The following TP53BP1 variants were observed in gnomAD, a reference collection of about 807,000 sequenced individuals.
TP53BP1 encodes the protein tumor protein p53 binding protein 1, also known as TP53-binding protein 1.
A neutral mutation model predicts 200.8 loss-of-function variants in TP53BP1; 61 were observed. The observed-to-expected ratio is 0.30, with a 90% CI of 0.25 to 0.38. The LOEUF (loss-of-function observed/expected upper bound fraction) is 0.38. Among genes scored for constraint, TP53BP1 ranks in the 10% least tolerant of loss-of-function variants. The pLI is 1.00. For synonymous variants in TP53BP1, 822 were observed against 844.3 expected, an observed-to-expected ratio of 0.97 and a Z score of 0.46; for missense variants, 2,144 against 2,371.9, an observed-to-expected ratio of 0.90 and a Z score of 2.00.
intron 4 of TP53BP1, among the ~76,000 whole-genome samples, chr15:43,484,051 T>A (rs924040677): frequency 1.5e-4 from 23 of 152,154 alleles, no homozygotes; most frequent in Non-Finnish European, 2.6e-4. Context: ...CCTCAACACA[T>A]CCAGCTGGTT....
intron 4 of TP53BP1, among the ~76,000 whole-genome samples, chr15:43,485,309 G>A (rs1459797111): frequency 1.3e-5 from 2 of 152,152 alleles, no homozygotes; most frequent in Non-Finnish European, 2.9e-5. Context: ...CGGGCACGGT[G>A]GCGCATGCCT....
rs1481466309 is a variant in TP53BP1, at chr15:43,415,755, G to A, written c.4928C>T (p.Thr1643Ile). The change falls in exon 23 of 28, where the codon ACC (threonine) becomes ATC (isoleucine). Residue 1643 changes from threonine (T) to isoleucine (I), a missense_variant. Thr to Ile is a moderately conservative substitution (Grantham distance 89). Transcript: ENST00000382044. ...GCTGCTGCTACTGGAGGCAGTAGGG[G>A]TGGCTGGGGAGCTGACGTTACTGCG... Reference protein sequence around the residue: ...KRRSNVSSPATPTASSSSSTT... With the variant: ...KRRSNVSSPAIPTASSSSSTT... 1 of 1,614,138 alleles carries A rather than the reference G, an allele frequency of 6.2e-7. No homozygotes were observed. The highest frequency in any genetic ancestry group is 1.1e-5 in the South Asian group (1 of 91,078).
At chr15:43,509,025 C>T (rs1361256895) in intron 1 of TP53BP1, among the ~76,000 whole-genome samples, 3 of 152,058 alleles carry the variant, frequency 2.0e-5, no homozygotes, top group African/African-American at 7.2e-5. Context: ...TATACTGAGA[C>T]CCTGTGCTAG....
chr15:43,454,616 G>A (rs920599931), intron 12 of TP53BP1, among the ~76,000 whole-genome samples: 7 of 152,320 alleles, frequency 4.6e-5, no homozygotes, highest in Admixed American at 3.9e-4. Context: ...GCTGGCCTCA[G>A]CCTCCCAAAG....
Position 43,404,989 on chromosome 15 carries a change from G to A in TP53BP1, c.*2394C>T, listed in dbSNP as rs1322545607. 10 of 581,870 alleles carry A rather than the reference G, an allele frequency of 1.7e-5. No homozygotes were observed. In the East Asian group the frequency reaches 2.9e-4, roughly 17 times the overall value. 36.0% of individuals were successfully genotyped at this position (581,870 alleles called of 1,614,324 possible). On this transcript the variant is annotated 3_prime_UTR_variant, in exon 28 of 28. Coordinates refer to ENST00000382044, the MANE Select transcript of TP53BP1 (RefSeq NM_001141980.3). ...GTGGTAGCTGGCTTCCCAGAGGTCT[G>A]TCATTCCCATTCAGAAAATCACTTC...
chr15:43,483,809 A>C (rs1272909057), intron 4 of TP53BP1, among the ~76,000 whole-genome samples: 26 of 152,204 alleles, frequency 1.7e-4, no homozygotes, highest in Admixed American at 1.7e-3. Context: ...ACAAAACAAC[A>C]CACTTTGAGC....
chr15:43,456,187 T>G lies in TP53BP1; in HGVS notation c.2421A>C (p.Leu807Phe), dbSNP rs2046291451. ...PEIEPCAENR[L>F]DTKEEKSVEY... ...CTACACTCTTTTCTTCCTTGGTGTC[T>G]AATCTATTCTCAGCACATGGTTCTA... Residue 807 changes from leucine (L) to phenylalanine (F), a missense_variant, in exon 12 of 28, where the codon TTA (leucine) becomes TTC (phenylalanine). By Grantham distance (22) the Leu-to-Phe change is conservative (BLOSUM62 0). This residue lies in a region of TP53BP1 where 1,700 missense variants were observed against 1,710.3 expected (regional missense o/e 0.99). Transcript: ENST00000382044. The G allele has an allele frequency of 6.2e-7, 1 of 1,614,206 alleles. No individual in the cohort carries two copies.
intron 11 of TP53BP1, among the ~76,000 whole-genome samples, chr15:43,464,451 A>G (rs2046516188): frequency 6.6e-6 from 1 of 152,236 alleles, no homozygotes; most frequent in African/African-American, 2.4e-5. Flanking sequence ...GTAGGTATAC[A>G]TAAGAGAAAT....
chr15:43,450,853 T>C (rs1003682539), intron 12 of TP53BP1, among the ~76,000 whole-genome samples: 1 of 151,758 alleles, frequency 6.6e-6, no homozygotes, highest in South Asian at 2.1e-4. Flanking sequence ...TTGAATGTTT[T>C]TCAAAATTAA....
rs45483701 is a variant in TP53BP1, at chr15:43,464,660, T to C, written c.1389+5198A>G. Among the ~76,000 whole-genome samples the C allele has an allele frequency of 2.9e-4, 44 of 152,124 alleles. 1 individual carries two copies. In the East Asian group the frequency reaches 8.3e-3, roughly 29 times the overall value. On this transcript the variant is annotated intron_variant, in intron 11 of 27. Transcript: ENST00000382044. ...GGCTCATGCCTGTAATCCCAGCACT[T>C]TGGGAGGCCGAGACAGGCGGATCAC...
chr15:43,449,004 G>C (rs1456649604), intron 12 of TP53BP1, among the ~76,000 whole-genome samples: 2 of 151,476 alleles, frequency 1.3e-5, no homozygotes, highest in Non-Finnish European at 2.9e-5. Flanking sequence ...GCAGGTGCCT[G>C]TAATCCCAGC....
Position 43,456,494 on chromosome 15 carries a change from C to A in TP53BP1, c.2114G>T (p.Gly705Val), listed in dbSNP as rs367570697. The part of the protein sequence containing the change: ...HLSLTETQSQ[G>V]LCLQKEMPKK... ...TGGCATTTCCTTTTGAAGACACAAC[C>A]CTTGGGACTGAGTTTCAGTCAGAGA... The change falls in exon 12 of 28, where the codon GGG becomes GTG. Residue 705 changes from glycine to valine, a missense_variant. Physicochemically the swap from Gly to Val is moderately radical, Grantham distance 109. Coordinates refer to ENST00000382044, the MANE Select transcript of TP53BP1 (RefSeq NM_001141980.3). 6.0e-5 allele frequency: 95 copies of A among 1,587,090 alleles called. No homozygotes were observed. Among genetic ancestry groups the A allele is most frequent in the Non-Finnish European group, 8.0e-5 (94 of 1,168,802 alleles).
At chr15:43,463,661 T>A (rs1025199790) in intron 11 of TP53BP1, among the ~76,000 whole-genome samples, 2 of 151,974 alleles carry the variant, frequency 1.3e-5, no homozygotes, top group Non-Finnish European at 2.9e-5. Flanking sequence ...GAAAAGGTAA[T>A]CTATTTAGCA....
chr15:43,431,231 T>C (rs2045661469), intron 17 of TP53BP1, among the ~76,000 whole-genome samples: 1 of 152,160 alleles, frequency 6.6e-6, no homozygotes, highest in Admixed American at 6.6e-5. Flanking sequence ...ATTTCTGGAC[T>C]GCAGCTGACC....
intron 12 of TP53BP1, among the ~76,000 whole-genome samples, chr15:43,451,593 A>G (rs1389407361): frequency 6.6e-6 from 1 of 152,208 alleles, no homozygotes; most frequent in Non-Finnish European, 1.5e-5. Flanking sequence ...ATTGTTGGAC[A>G]TTTGGGATGG....
chr15:43,508,579 C>T (rs189361160), intron 1 of TP53BP1, among the ~76,000 whole-genome samples: 2 of 152,280 alleles, frequency 1.3e-5, no homozygotes, highest in East Asian at 3.9e-4. Flanking sequence ...TTACAGTGAG[C>T]TACAATCATG....
At chr15:43,440,259 A>G (rs2045893509) in intron 15 of TP53BP1, among the ~76,000 whole-genome samples, 1 of 152,146 alleles carries the variant, frequency 6.6e-6, no homozygotes, top group Non-Finnish European at 1.5e-5. Flanking sequence ...TCAGTTTGCC[A>G]TTGTCCTCAA....
At chr15:43,475,306 G>A (rs2078864263) in intron 9 of TP53BP1, among the ~76,000 whole-genome samples, 1 of 152,166 alleles carries the variant, frequency 6.6e-6, no homozygotes, top group African/African-American at 2.4e-5. Context: ...TGCTTGTTTT[G>A]GATGTGTAAC....
intron 7 of TP53BP1, among the ~76,000 whole-genome samples, chr15:43,478,171 C>A (rs1278773802): frequency 6.6e-6 from 1 of 152,230 alleles, no homozygotes; most frequent in Non-Finnish European, 1.5e-5. Context: ...CAATTATCCT[C>A]CTTACTAGTG....
Sources: gnomAD v4.1 joint callset for allele counts (sites outside exome capture counted in the v4.1 genomes callset) on GRCh38, gnomAD v4.1.1 for gene constraint, gnomAD v4.1.1 regional missense constraint, MANE v1.5 for transcripts, NCBI Gene and HGNC (gene_info 2026-07-23, HGNC 2026-07-21) for gene names.